DYNC2H1: variants seen among roughly 807,000 people sequenced by gnomAD.
The protein encoded by DYNC2H1 is dynein cytoplasmic 2 heavy chain 1.
DYNC2H1 carries 410 observed loss-of-function variants against 570.0 expected under a neutral mutation model. The ratio of observed to expected loss-of-function variants is 0.72; its 90% CI spans 0.66 to 0.78. The LOEUF (loss-of-function observed/expected upper bound fraction) is 0.78, where lower values mean the gene tolerates loss of function less well. Ranked by LOEUF, DYNC2H1 falls within the 30% of genes least tolerant of loss-of-function variation. The pLI is 0.00. For synonymous variants in DYNC2H1, 1,688 were observed against 1,677.6 expected, an observed-to-expected ratio of 1.01 and a Z score of -0.15; for missense variants, 4,865 against 5,046.4, an observed-to-expected ratio of 0.96 and a Z score of 1.09.
At chr11:103,267,913 A>G (rs1033772633) in intron 70 of DYNC2H1, among the ~76,000 whole-genome samples, 3 of 151,996 alleles carry the variant, frequency 2.0e-5, no homozygotes, top group African/African-American at 7.2e-5. Context: ...ATGAGTATAA[A>G]CATGTTAACT....
chr11:103,143,235 C>T (rs1565338060), intron 17 of DYNC2H1, 33 bp from the exon 18 acceptor site: 2 of 1,603,234 alleles, frequency 1.2e-6, no homozygotes, highest in Admixed American at 1.7e-5. Context: ...GGTTCTGTGT[C>T]TTTAATAATA....
Position 103,128,931 on chromosome 11 carries a change from A to G in DYNC2H1, c.1879A>G (p.Ile627Val), listed in dbSNP as rs373888584. ...LKQVAHFYNS[I>V]DQQMIQSQRP... is the part of the protein sequence containing the mutation. Reference sequence around the variant, plus strand: ...GTAGGTGGCACATTTTTATAATTCTATTGATCAACAAATGATTCAAAGTCA... The same window carrying G: ...GTAGGTGGCACATTTTTATAATTCTGTTGATCAACAAATGATTCAAAGTCA... The change falls in exon 13 of 89, where the codon ATT (isoleucine) becomes GTT (valine). Residue 627 changes from isoleucine (I) to valine (V), a missense_variant. Coordinates refer to ENST00000375735, the MANE Select transcript of DYNC2H1 (RefSeq NM_001377.3). 1.0e-4 allele frequency: 162 copies of G among 1,593,948 alleles called. No individual in the cohort carries two copies. The Middle Eastern group carries it at 1.2e-3, about 11-fold the overall frequency.
chr11:103,360,558 T>C (rs1295530115), intron 83 of DYNC2H1, among the ~76,000 whole-genome samples: 1 of 152,172 alleles, frequency 6.6e-6, no homozygotes, highest in African/African-American at 2.4e-5. Context: ...GTACTTTTAT[T>C]ATGAATGGTC....
At chr11:103,367,782 G>A (rs1184426972) in intron 83 of DYNC2H1, among the ~76,000 whole-genome samples, 1 of 152,032 alleles carries the variant, frequency 6.6e-6, no homozygotes, top group Non-Finnish European at 1.5e-5. Flanking sequence ...CCCCTCCACA[G>A]TTTCTAGTAA....
At position 103,369,406 on chromosome 11, in the gene DYNC2H1, G is replaced by A. The variant is rs1941052151; in HGVS notation, c.12156+11047G>A. ...AGGCCACAAGGATTTCAATTCCTATGTGAGTAATGCTGCTGAACTAGGCCC... is the reference window on the plus strand; with the variant it reads ...AGGCCACAAGGATTTCAATTCCTATATGAGTAATGCTGCTGAACTAGGCCC... On this transcript the variant is annotated intron_variant, in intron 83 of 88. Transcript: ENST00000375735. The surrounding 1 kb of genome is among the most constrained non-coding windows in gnomAD (Gnocchi z 4.0). Among the ~76,000 whole-genome samples the A allele has an allele frequency of 6.6e-6, 1 of 152,168 alleles. No individual in the cohort carries two copies. Among genetic ancestry groups the A allele is most frequent in the South Asian group, 2.1e-4 (1 of 4,832 alleles).
At chr11:103,409,642 G>A (rs557545064) in intron 84 of DYNC2H1, 2 of 153,534 alleles carry the variant, frequency 1.3e-5, no homozygotes, top group African/African-American at 4.8e-5. Flanking sequence ...ATTAATTAGA[G>A]GATCTGGTAT....
At position 103,147,780 on chromosome 11, in the gene DYNC2H1, A is replaced by G. The variant is rs771688078; in HGVS notation, c.2711A>G (p.Lys904Arg). The G allele has an allele frequency of 4.4e-6, 7 of 1,603,580 alleles. No individual in the cohort carries two copies. In the African/African-American group the frequency reaches 5.4e-5, roughly 12 times the overall value. The change falls in exon 19 of 89, where the codon AAG becomes AGG. Residue 904 changes from lysine (K) to arginine (R), a missense_variant. Transcript: ENST00000375735. ...CCATTGACATTTTTCAGTGCTGTCA[A>G]GGTAGATTGTTTAAATATTAATTGC... ...KEVERLPSAV[K>R]VDCLNINCNP...
intron 79 of DYNC2H1, among the ~76,000 whole-genome samples, chr11:103,312,674 C>T (rs1192228515): frequency 6.6e-6 from 1 of 150,844 alleles, no homozygotes; most frequent in Non-Finnish European, 1.5e-5. Flanking sequence ...TTCTGCTAAT[C>T]TAGACTGTAT....
intron 88 of DYNC2H1, among the ~76,000 whole-genome samples, chr11:103,471,355 G>A (rs1173231255): frequency 6.6e-6 from 1 of 152,172 alleles, no homozygotes; most frequent in Non-Finnish European, 1.5e-5. Context: ...GAAAGAACAT[G>A]AGATCTACTG....
intron 45 of DYNC2H1, among the ~76,000 whole-genome samples, chr11:103,190,642 A>G (rs557491302): frequency 9.8e-5 from 15 of 152,288 alleles, no homozygotes; most frequent in African/African-American, 2.9e-4. Flanking sequence ...ATATTGGAGT[A>G]GAAGTGGGGA....
At position 103,145,222 on chromosome 11, in the gene DYNC2H1, G is replaced by A. The variant is rs900595367; in HGVS notation, c.2702+1827G>A. On this transcript the variant is annotated intron_variant, in intron 18 of 88. Coordinates refer to ENST00000375735, the MANE Select transcript of DYNC2H1 (RefSeq NM_001377.3). The surrounding 1 kb of genome is among the most constrained non-coding windows in gnomAD (Gnocchi z 4.2). The stretch of plus-strand genomic sequence containing the variant: ...TTATCTTGTTGGAACTCAAAATGAG[G>A]AGGAGGAAATAGTATGAGGAATTAA... Among the ~76,000 whole-genome samples the A allele has an allele frequency of 2.6e-5, 4 of 152,130 alleles. No individual in the cohort carries two copies. Among genetic ancestry groups the A allele is most frequent in the South Asian group, 2.1e-4 (1 of 4,832 alleles).
chr11:103,433,715 T>A (rs1164005001), intron 84 of DYNC2H1, among the ~76,000 whole-genome samples: 2 of 152,238 alleles, frequency 1.3e-5, no homozygotes, highest in East Asian at 3.9e-4. Context: ...CATTACAGGA[T>A]CAGGCTAAGG....
chr11:103,416,156 G>T (rs905300143), intron 84 of DYNC2H1, among the ~76,000 whole-genome samples: 24 of 152,166 alleles, frequency 1.6e-4, no homozygotes, highest in Non-Finnish European at 2.9e-4. Context: ...GTCCCAGGCT[G>T]GGGGGCTGAG....
chr11:103,134,285 A>C (rs1488152494), intron 14 of DYNC2H1, 36 bp from the exon 15 acceptor site: 1 of 1,589,038 alleles, frequency 6.3e-7, no homozygotes, highest in Admixed American at 1.7e-5. Flanking sequence ...TTTTTCCAGC[A>C]ATACTTTGAG....
At chr11:103,375,349 G>T (rs954137526) in intron 83 of DYNC2H1, among the ~76,000 whole-genome samples, 1 of 152,170 alleles carries the variant, frequency 6.6e-6, no homozygotes, top group African/African-American at 2.4e-5. Flanking sequence ...TGGGGTCATA[G>T]CCCCCACACA....
chr11:103,400,734 CTGTT>C (rs200244692), intron 84 of DYNC2H1, among the ~76,000 whole-genome samples: 1,683 of 151,890 alleles, frequency 0.011, 34 homozygotes, highest in African/African-American at 0.039. Context: ...ACAGTCCTCT[CTGTT>C]TGAATATAAA....
intron 17 of DYNC2H1, among the ~76,000 whole-genome samples, chr11:103,142,529 C>T (rs1286239378): frequency 6.6e-6 from 1 of 151,986 alleles, no homozygotes; most frequent in African/African-American, 2.4e-5. Flanking sequence ...ATTATCTGGG[C>T]ATGGTGGTGG....
chr11:103,390,246 A>T (rs7952672), intron 83 of DYNC2H1, among the ~76,000 whole-genome samples: 101,729 of 151,540 alleles, frequency 0.67, 34,303 homozygotes, highest in Admixed American at 0.73. Context: ...CTTTACCATT[A>T]TGTAATGGCC....
At chr11:103,380,255 C>T (rs1455561755) in intron 83 of DYNC2H1, among the ~76,000 whole-genome samples, 1 of 152,160 alleles carries the variant, frequency 6.6e-6, no homozygotes, top group Non-Finnish European at 1.5e-5. Flanking sequence ...TGGTCTGAAT[C>T]ACTTCTGAAG....
Sources: gnomAD v4.1 joint callset for allele counts (sites outside exome capture counted in the v4.1 genomes callset) on GRCh38, gnomAD v4.1.1 for gene constraint, Gnocchi (gnomAD v3.1) non-coding constraint, MANE v1.5 for transcripts, NCBI Gene and HGNC (gene_info 2026-07-23, HGNC 2026-07-21) for gene names.